Variants in CRTC3 observed in about 807,000 individuals in gnomAD.
CRTC3 encodes CREB-regulated transcription coactivator 3.
A neutral mutation model predicts 74.5 loss-of-function variants in CRTC3; 26 were observed. That is an observed-to-expected ratio of 0.35 (90% CI 0.26 to 0.48). CRTC3 has a LOEUF of 0.48. Ranked by LOEUF, CRTC3 falls within the 20% of genes least tolerant of loss-of-function variation. The pLI, the probability that CRTC3 is intolerant of heterozygous loss-of-function variation, is 0.99. For missense variants in CRTC3, 760 were observed against 787.3 expected (o/e 0.97, Z 0.41); for synonymous variants, 377 against 325.8 (o/e 1.16, Z -1.69).
chr15:90,593,465 T>C (rs983751174), intron 2 of CRTC3, among the ~76,000 whole-genome samples, 171 bp from the exon 3 acceptor site: 2 of 152,246 alleles, frequency 1.3e-5, no homozygotes, highest in African/African-American at 4.8e-5. Flanking sequence ...ATGGTTATTA[T>C]AAAGAAATAG....
chr15:90,620,559 G>A (rs758473017), intron 9 of CRTC3, among the ~76,000 whole-genome samples: 1 of 152,108 alleles, frequency 6.6e-6, no homozygotes, highest in Non-Finnish European at 1.5e-5. Flanking sequence ...TGGGAGGGCC[G>A]GCTGGTGTGC....
At chr15:90,605,069 TG>T (rs1373041512) in intron 5 of CRTC3, among the ~76,000 whole-genome samples, 10 of 151,308 alleles carry the variant, frequency 6.6e-5, no homozygotes, top group African/African-American at 2.4e-4. Flanking sequence ...GAGGCCAGCC[TG>T]GGCAAGATGG....
At chr15:90,536,973 G>T (rs867188620) in intron 1 of CRTC3, among the ~76,000 whole-genome samples, 2 of 152,178 alleles carry the variant, frequency 1.3e-5, no homozygotes, top group Non-Finnish European at 2.9e-5. Flanking sequence ...TTTTTCAATT[G>T]AAATTTAATA....
At chr15:90,607,276 G>A (rs1968247206) in intron 5 of CRTC3, 102 bp from the exon 6 acceptor site, 2 of 709,424 alleles carry the variant, frequency 2.8e-6, no homozygotes, top group East Asian at 2.7e-5. Context: ...TTATAAATCA[G>A]TTATTCTTGC....
At chr15:90,573,718 T>G (rs1967332527) in intron 2 of CRTC3, among the ~76,000 whole-genome samples, 1 of 152,224 alleles carries the variant, frequency 6.6e-6, no homozygotes, top group South Asian at 2.1e-4. Context: ...ATATGTTCTT[T>G]GATTTTACTT....
chr15:90,600,849 CA>C (rs1968050757), intron 3 of CRTC3, among the ~76,000 whole-genome samples: 1 of 152,054 alleles, frequency 6.6e-6, no homozygotes, highest in Middle Eastern at 3.2e-3. Context: ...ATCAGTGATC[CA>C]GGAGACAAAA....
chr15:90,634,689 A>G, intron 11 of CRTC3: 3 of 641,814 alleles, frequency 4.7e-6, no homozygotes, highest in Non-Finnish European at 8.5e-6. Flanking sequence ...GCGGCTCTAC[A>G]CTAGAGCGGA....
rs752841358 is a variant in CRTC3, at chr15:90,638,619, G to A, written c.1440G>A (p.Gln480=). ...CCCAGGCAGCCTCCTCACTGCCACA[G>A]TCAGACTTTCAGCTTCTCCCGGCCC... ...QQPQAASSLP[Q]SDFQLLPAQG... Residue 480 remains glutamine, a synonymous_variant, in exon 12 of 15, where the codon CAG becomes CAA. Coordinates refer to ENST00000268184, the MANE Select transcript of CRTC3 (RefSeq NM_022769.5). The A allele has an allele frequency of 1.2e-5, 19 of 1,613,358 alleles. 1 individual carries two copies. The South Asian group carries it at 1.5e-4, about 13-fold the overall frequency.
chr15:90,601,609 C>T (rs529332763), intron 3 of CRTC3, among the ~76,000 whole-genome samples: 7 of 152,164 alleles, frequency 4.6e-5, no homozygotes, highest in African/African-American at 1.2e-4. Flanking sequence ...GCCGAGATTG[C>T]GCCATTGCAC....
chr15:90,634,714 C>T (rs1255792879), intron 11 of CRTC3: 5 of 718,410 alleles, frequency 7.0e-6, no homozygotes, highest in East Asian at 5.2e-5. Flanking sequence ...GAGACTGAGG[C>T]GAAGGGAGTC....
At chr15:90,620,664 T>G (rs954888915) in intron 9 of CRTC3, among the ~76,000 whole-genome samples, 2 of 152,084 alleles carry the variant, frequency 1.3e-5, no homozygotes, top group South Asian at 4.1e-4. Flanking sequence ...CAAGGAGGCT[T>G]CCTGGGGCTG....
intron 2 of CRTC3, among the ~76,000 whole-genome samples, chr15:90,546,168 T>C (rs1440897362): frequency 1.3e-5 from 2 of 152,186 alleles, no homozygotes; most frequent in Non-Finnish European, 2.9e-5. Context: ...CTCTATTAGT[T>C]TTATAGCTCT....
At chr15:90,637,313 C>G (rs763705464) in intron 11 of CRTC3, among the ~76,000 whole-genome samples, 17 of 152,084 alleles carry the variant, frequency 1.1e-4, no homozygotes, top group Non-Finnish European at 2.2e-4. Flanking sequence ...GACAAAAAAC[C>G]AAACACCACA....
intron 3 of CRTC3, among the ~76,000 whole-genome samples, chr15:90,596,748 G>A (rs1032350541): frequency 6.6e-6 from 1 of 152,114 alleles, no homozygotes; most frequent in Non-Finnish European, 1.5e-5. Flanking sequence ...GAAATAATCT[G>A]CTTAAAATTG....
chr15:90,618,390 G>T (rs1448998077), intron 8 of CRTC3, among the ~76,000 whole-genome samples: 2 of 152,232 alleles, frequency 1.3e-5, no homozygotes, highest in Admixed American at 6.5e-5. Context: ...AAGGGCATTT[G>T]ACCTGAGTCC....
intron 2 of CRTC3, among the ~76,000 whole-genome samples, chr15:90,546,831 G>A (rs1966845059): frequency 6.6e-6 from 1 of 152,146 alleles, no homozygotes. Flanking sequence ...CACTGTGTTA[G>A]CCAGGATGGT....
intron 13 of CRTC3, 154 bp from the exon 14 acceptor site, chr15:90,640,942 CA>C: frequency 1.6e-6 from 1 of 625,358 alleles, no homozygotes; most frequent in Non-Finnish European, 2.9e-6. Flanking sequence ...ATTGTGCATG[CA>C]TTACCATAAG....
intron 2 of CRTC3, among the ~76,000 whole-genome samples, chr15:90,580,023 AGAG>A (rs1372952453): frequency 6.6e-6 from 1 of 152,230 alleles, no homozygotes; most frequent in Non-Finnish European, 1.5e-5. Flanking sequence ...AAATACAAAA[AGAG>A]GAAATATTTC....
At chr15:90,567,386 C>T (rs367578654) in intron 2 of CRTC3, among the ~76,000 whole-genome samples, 39 of 152,100 alleles carry the variant, frequency 2.6e-4, no homozygotes, top group African/African-American at 9.4e-4. Flanking sequence ...AAAAAACAAA[C>T]AACTAAAATA....
Sources: gnomAD v4.1 joint callset for allele counts (sites outside exome capture counted in the v4.1 genomes callset) on GRCh38, gnomAD v4.1.1 for gene constraint, MANE v1.5 for transcripts, NCBI Gene and HGNC (gene_info 2026-07-23, HGNC 2026-07-21) for gene names.